Variants in CLDN12 observed in about 807,000 individuals in gnomAD.
CLDN12 encodes the protein claudin-12.
Under a neutral mutation model 15.5 loss-of-function variants are expected in CLDN12, and 9 were observed. That is an observed-to-expected ratio of 0.58 (90% CI 0.35 to 1.02). The LOEUF (loss-of-function observed/expected upper bound fraction) is 1.02. Ranked by LOEUF, CLDN12 falls within the 50% of genes least tolerant of loss-of-function variation. CLDN12 has a pLI of 0.02. For synonymous variants in CLDN12, 140 were observed against 121.6 expected (o/e 1.15, Z -1.00); for missense variants, 233 against 297.3 (o/e 0.78, Z 1.59).
At position 90,413,329 on chromosome 7, in the gene CLDN12, A is replaced by G; in HGVS notation, c.653A>G (p.His218Arg). The G allele has an allele frequency of 6.2e-7, 1 of 1,614,186 alleles. No homozygotes were observed. Among genetic ancestry groups the G allele is most frequent in the Non-Finnish European group, 8.5e-7 (1 of 1,180,028 alleles). Reference sequence around the variant, plus strand: ...TTGTACTCCCATCCACCCAGTATGCATACTTACTCACAGCCCTATTCAGCA... The same window carrying G: ...TTGTACTCCCATCCACCCAGTATGCGTACTTACTCACAGCCCTATTCAGCA... ...QPLYSHPPSM[H>R]TYSQPYSARS... Residue 218 changes from histidine to arginine, a missense_variant, in exon 4 of 4, where the codon CAT becomes CGT. Coordinates refer to ENST00000496677, the MANE Select transcript of CLDN12 (RefSeq NM_001185072.3).
rs1028179618 is a variant in CLDN12, at chr7:90,415,904, A to G, written c.*2493A>G. 6.0e-6 allele frequency: 1 copy of G among 166,814 alleles called. No individual in the cohort carries two copies. Among genetic ancestry groups the G allele is most frequent in the Admixed American group, 6.5e-5 (1 of 15,292 alleles). 10.3% of individuals were successfully genotyped at this position (166,814 alleles called of 1,614,324 possible). A position where few individuals can be genotyped will look rare whatever the true frequency, so the allele number is the denominator to read the frequency against. On this transcript the variant is annotated 3_prime_UTR_variant, in exon 4 of 4. Transcript: ENST00000496677. ...CTGTAAACTACAATGTAAAACCTCAATAAAAGTGCGCTGTACTTCTTAATG... is the reference window on the plus strand; with the variant it reads ...CTGTAAACTACAATGTAAAACCTCAGTAAAAGTGCGCTGTACTTCTTAATG...
chr7:90,411,615 A>G (rs1796964911), intron 2 of CLDN12, among the ~76,000 whole-genome samples: 1 of 151,888 alleles, frequency 6.6e-6, no homozygotes, highest in Non-Finnish European at 1.5e-5. Context: ...GAAAATCTAC[A>G]TCTTGAATCA....
chr7:90,406,134 A>G (rs1351807084), intron 2 of CLDN12: 1 of 152,150 alleles, frequency 6.6e-6, no homozygotes, highest in Non-Finnish European at 1.5e-5. Context: ...TATTAGACAT[A>G]TGTACTCTCG....
Position 90,413,004 on chromosome 7 carries a change from A to G in CLDN12, c.328A>G (p.Asn110Asp). The change falls in exon 4 of 4, where the codon AAC becomes GAC. Residue 110 changes from asparagine to aspartate, a missense_variant. Physicochemically the swap from Asn to Asp is conservative, Grantham distance 23. Transcript: ENST00000496677. ...GCTGCTCTGCCTGATTGGAATGTGC[A>G]ACACTGCCTTCAGGTCCTCGGTGCC... is the stretch of plus-strand genomic sequence containing the variant. The part of the protein sequence containing the change: ...ALLLCLIGMC[N>D]TAFRSSVPNI... 6.2e-7 allele frequency: 1 copy of G among 1,614,164 alleles called. No individual in the cohort carries two copies. Among genetic ancestry groups the G allele is most frequent in the Non-Finnish European group, 8.5e-7 (1 of 1,180,040 alleles).
In CLDN12 at chr7:90,412,919, G is replaced by T. The variant is rs767596396; in HGVS notation, c.243G>T (p.Leu81=). ...DTTWYSSVDQ[L]DLRVLQFALP... ...CTTGGTACTCATCAGTTGACCAGCT[G>T]GACCTGCGTGTCCTCCAGTTTGCCC... is the stretch of plus-strand genomic sequence containing the variant. Residue 81 remains leucine (L), a synonymous_variant, in exon 4 of 4, where the codon CTG becomes CTT. Transcript: ENST00000496677. 1.2e-6 allele frequency: 2 copies of T among 1,614,202 alleles called. No individual in the cohort carries two copies. The highest frequency in any genetic ancestry group is 1.7e-6 in the Non-Finnish European group (2 of 1,180,034).
intron 2 of CLDN12, chr7:90,406,212 C>A: frequency 6.6e-6 from 1 of 152,318 alleles, no homozygotes; most frequent in East Asian, 1.9e-4. Context: ...GGATACATGA[C>A]TTCCTAAAGC....
In CLDN12 at chr7:90,414,423, A is replaced by G. The variant is rs934869590; in HGVS notation, c.*1012A>G. ...CGTCACTGATTATTTCCTTGAGCAT[A>G]TATCTCTGCCTAACACTTTAGTAGG... On this transcript the variant is annotated 3_prime_UTR_variant, in exon 4 of 4. Coordinates refer to ENST00000496677, the MANE Select transcript of CLDN12 (RefSeq NM_001185072.3). 53 of 997,768 alleles carry G rather than the reference A, an allele frequency of 5.3e-5. No individual in the cohort carries two copies. The highest frequency in any genetic ancestry group is 5.8e-5 in the Non-Finnish European group (48 of 827,844). 61.8% of individuals were successfully genotyped at this position (997,768 alleles called of 1,614,324 possible).
chr7:90,413,844 A>G lies in CLDN12; in HGVS notation c.*433A>G, dbSNP rs1263307715. On this transcript the variant is annotated 3_prime_UTR_variant, in exon 4 of 4. Coordinates refer to ENST00000496677, the MANE Select transcript of CLDN12 (RefSeq NM_001185072.3). ...AAATATAAGAAATTTATTTCAGGTAAGGGTAATATTTTAATAGTAGTCAAT... is the reference window on the plus strand; with the variant it reads ...AAATATAAGAAATTTATTTCAGGTAGGGGTAATATTTTAATAGTAGTCAAT... 1.0e-6 allele frequency: 1 copy of G among 1,001,408 alleles called. No homozygotes were observed. The highest frequency in any genetic ancestry group is 1.2e-6 in the Non-Finnish European group (1 of 830,592). The allele number at this position is 1,001,408 out of a possible 1,614,324, so 62.0% of individuals were successfully genotyped here.
At position 90,414,422 on chromosome 7, in the gene CLDN12, T is replaced by C; in HGVS notation, c.*1011T>C. The C allele has an allele frequency of 3.0e-6, 3 of 997,958 alleles. No homozygotes were observed. The highest frequency in any genetic ancestry group is 4.7e-5 in the South Asian group (1 of 21,244). The allele number at this position is 997,958 out of a possible 1,614,324, so 61.8% of individuals were successfully genotyped here. On this transcript the variant is annotated 3_prime_UTR_variant, in exon 4 of 4. Transcript: ENST00000496677. Reference sequence around the variant, plus strand: ...CCGTCACTGATTATTTCCTTGAGCATATATCTCTGCCTAACACTTTAGTAG... The same window carrying C: ...CCGTCACTGATTATTTCCTTGAGCACATATCTCTGCCTAACACTTTAGTAG...
At position 90,413,446 on chromosome 7, in the gene CLDN12, G is replaced by T. The variant is rs1187748511; in HGVS notation, c.*35G>T. 5 of 1,593,106 alleles carry T rather than the reference G, an allele frequency of 3.1e-6. No homozygotes were observed. The South Asian group carries it at 5.7e-5, about 18-fold the overall frequency. ...AGTTAATTGTTAAAGAAAACTTCTTGTAGCCTCACATTCCCCTTGTGCAAA... is the reference window on the plus strand; with the variant it reads ...AGTTAATTGTTAAAGAAAACTTCTTTTAGCCTCACATTCCCCTTGTGCAAA... On this transcript the variant is annotated 3_prime_UTR_variant, in exon 4 of 4. Transcript: ENST00000496677.
At chr7:90,412,444 A>G (rs1796985443) in intron 3 of CLDN12, 200 bp from the exon 4 acceptor site, 2 of 483,578 alleles carry the variant, frequency 4.1e-6, no homozygotes, top group Non-Finnish European at 7.2e-6. Flanking sequence ...TAATAACCAA[A>G]TGTGTGTGCA....
chr7:90,414,555 G>T lies in CLDN12; in HGVS notation c.*1144G>T. 1 of 259,100 alleles carries T rather than the reference G, an allele frequency of 3.9e-6. No individual in the cohort carries two copies. The highest frequency in any genetic ancestry group is 6.6e-6 in the Non-Finnish European group (1 of 152,530). The allele number at this position is 259,100 out of a possible 1,614,324, so 16.1% of individuals were successfully genotyped here. The stretch of plus-strand genomic sequence containing the variant: ...GGCAGTTGGGGAATAATCTGACTTC[G>T]TTGGCAGTTGGCCTTAACTTCTTAA... On this transcript the variant is annotated 3_prime_UTR_variant, in exon 4 of 4. Transcript: ENST00000496677.
chr7:90,407,499 A>G (rs1326725952), intron 2 of CLDN12, among the ~76,000 whole-genome samples: 2 of 152,182 alleles, frequency 1.3e-5, no homozygotes, highest in African/African-American at 2.4e-5. Flanking sequence ...TTCTGACCAG[A>G]GTTATACAGA....
intron 2 of CLDN12, among the ~76,000 whole-genome samples, chr7:90,408,364 A>G (rs1465075845): frequency 1.3e-5 from 2 of 152,108 alleles, no homozygotes; most frequent in African/African-American, 2.4e-5. Flanking sequence ...TTAGTCTGGC[A>G]TGGTGGCATG....
chr7:90,413,832 T>C lies in CLDN12; in HGVS notation c.*421T>C, dbSNP rs1378745647. The C allele has an allele frequency of 8.0e-6, 8 of 1,001,256 alleles. No individual in the cohort carries two copies. The highest frequency in any genetic ancestry group is 1.7e-5 in the African/African-American group (1 of 57,226). 62.0% of individuals were successfully genotyped at this position (1,001,256 alleles called of 1,614,324 possible). ...AAAGGCAGTTTCAAATATAAGAAAT[T>C]TATTTCAGGTAAGGGTAATATTTTA... On this transcript the variant is annotated 3_prime_UTR_variant, in exon 4 of 4. Coordinates refer to ENST00000496677, the MANE Select transcript of CLDN12 (RefSeq NM_001185072.3).
Position 90,414,160 on chromosome 7 carries a change from A to G in CLDN12, c.*749A>G, listed in dbSNP as rs1439444036. The G allele has an allele frequency of 1.0e-6, 1 of 1,000,100 alleles. No homozygotes were observed. Among genetic ancestry groups the G allele is most frequent in the African/African-American group, 1.7e-5 (1 of 57,240 alleles). 62.0% of individuals were successfully genotyped at this position (1,000,100 alleles called of 1,614,324 possible). A position where few individuals can be genotyped will look rare whatever the true frequency, so the allele number is the denominator to read the frequency against. ...AGGCAGAAAACTCTTTTTTGGAGAT[A>G]TCTTCCATCAAGCAGTACTCGTGCC... On this transcript the variant is annotated 3_prime_UTR_variant, in exon 4 of 4. Coordinates refer to ENST00000496677, the MANE Select transcript of CLDN12 (RefSeq NM_001185072.3).
At position 90,415,213 on chromosome 7, in the gene CLDN12, C is replaced by T. The variant is rs1797050282; in HGVS notation, c.*1802C>T. 6.1e-6 allele frequency: 1 copy of T among 165,118 alleles called. No homozygotes were observed. The highest frequency in any genetic ancestry group is 6.6e-5 in the Admixed American group (1 of 15,250). The allele number at this position is 165,118 out of a possible 1,614,324, so 10.2% of individuals were successfully genotyped here. On this transcript the variant is annotated 3_prime_UTR_variant, in exon 4 of 4. Coordinates refer to ENST00000496677, the MANE Select transcript of CLDN12 (RefSeq NM_001185072.3). ...AGGTTATGATTTTTTTAATTACTGG[C>T]TTCTGATTTCTTTCACTTCTGATCC... is the stretch of plus-strand genomic sequence containing the variant.
chr7:90,412,547 A>G (rs1796988657), intron 3 of CLDN12, 97 bp from the exon 4 acceptor site: 1 of 959,658 alleles, frequency 1.0e-6, no homozygotes, highest in Admixed American at 2.3e-5. Flanking sequence ...TTGCATTGAC[A>G]TTTCATCATT....
At chr7:90,406,830 T>C (rs1308503366) in intron 2 of CLDN12, among the ~76,000 whole-genome samples, 4 of 152,210 alleles carry the variant, frequency 2.6e-5, no homozygotes, top group Non-Finnish European at 5.9e-5. Flanking sequence ...CTAGTACTCA[T>C]GACTGCTTGA....
Sources: allele counts gnomAD v4.1 joint callset (sites outside exome capture counted in the v4.1 genomes callset), GRCh38; gene constraint gnomAD v4.1.1; transcripts MANE v1.5; gene names NCBI Gene and HGNC (gene_info 2026-07-23, HGNC 2026-07-21).